Variants in TOM1L2 observed in about 807,000 individuals in gnomAD.
The protein encoded by TOM1L2 is TOM1-like protein 2.
Under a neutral mutation model 67.9 loss-of-function variants are expected in TOM1L2, and 31 were observed. The observed-to-expected ratio is 0.46, with a 90% CI of 0.34 to 0.62. The LOEUF (loss-of-function observed/expected upper bound fraction) is 0.62, where lower values mean the gene tolerates loss of function less well. Among genes scored for constraint, TOM1L2 ranks in the 20% least tolerant of loss-of-function variants. The probability of loss-of-function intolerance (pLI) is 0.01; values close to 1 mark genes in which losing one functional copy is unlikely to be tolerated. For missense variants in TOM1L2, 606 were observed against 663.5 expected (o/e 0.91, Z 0.95); for synonymous variants, 256 against 254.0 (o/e 1.01, Z -0.07).
At chr17:17,910,498 C>T (rs2039297148) in intron 1 of TOM1L2, among the ~76,000 whole-genome samples, 1 of 152,150 alleles carries the variant, frequency 6.6e-6, no homozygotes, top group Admixed American at 6.5e-5. Context: ...AGCACCAATA[C>T]CTGAGCCTCA....
chr17:17,969,684 C>T (rs561395737), intron 1 of TOM1L2, among the ~76,000 whole-genome samples: 3 of 152,234 alleles, frequency 2.0e-5, no homozygotes, highest in African/African-American at 4.8e-5. Context: ...AGGTCACAGA[C>T]GGGCCAGTTG....
Position 17,847,665 on chromosome 17 carries a change from C to T in TOM1L2, c.1494G>A (p.Glu498=). 1 of 1,613,756 alleles carries T rather than the reference C, an allele frequency of 6.2e-7. No individual in the cohort carries two copies. The highest frequency in any genetic ancestry group is 8.5e-7 in the Non-Finnish European group (1 of 1,179,832). The change falls in exon 15 of 15, where the codon GAG becomes GAA. Residue 498 remains glutamate, a synonymous_variant. Transcript: ENST00000379504. ...GGGCGAAGAGGGCATCCTCTGACCG[C>T]TCTGGCTTCTTCCGGCCAGAAGGGT... ...ASNPSGRKKP[E]RSEDALFAL
Position 17,972,283 on chromosome 17 carries a change from T to G in TOM1L2, c.31A>C (p.Thr11Pro). 6.4e-7 allele frequency: 1 copy of G among 1,552,010 alleles called. No homozygotes were observed. The highest frequency in any genetic ancestry group is 8.7e-7 in the Non-Finnish European group (1 of 1,148,458). Residue 11 changes from threonine (T) to proline (P), a missense_variant, in exon 1 of 15, where the codon ACA becomes CCA. Thr to Pro is a conservative substitution (Grantham distance 38). This residue lies in a region of TOM1L2 where 63 missense variants were observed against 109.5 expected (regional missense o/e 0.58). Coordinates refer to ENST00000379504, the MANE Select transcript of TOM1L2 (RefSeq NM_001082968.2). ...TTACCGAGGCACTGCCCCACTGGTG[T>G]GCTGAACGGGTTCCCCAGGAGGAAC... Reference protein sequence around the residue: MEFLLGNPFSTPVGQCLEKAT... With the variant: MEFLLGNPFSPPVGQCLEKAT...
chr17:17,965,335 C>G (rs533761273), intron 1 of TOM1L2, among the ~76,000 whole-genome samples: 2 of 152,280 alleles, frequency 1.3e-5, no homozygotes, highest in African/African-American at 4.8e-5. Flanking sequence ...AGTCTCACCC[C>G]CTATCACTCC....
At chr17:17,915,322 C>T (rs1016930703) in intron 1 of TOM1L2, among the ~76,000 whole-genome samples, 7 of 152,160 alleles carry the variant, frequency 4.6e-5, no homozygotes, top group African/African-American at 1.7e-4. Context: ...AGAGACAGAA[C>T]TAGGATCAAA....
intron 12 of TOM1L2, among the ~76,000 whole-genome samples, chr17:17,851,615 G>C (rs1348435375): frequency 1.3e-5 from 2 of 152,190 alleles, no homozygotes; most frequent in Non-Finnish European, 2.9e-5. Context: ...CAAAAACGAG[G>C]GCTCTGATGA....
At chr17:17,873,104 T>TCTG (rs1271513025) in intron 7 of TOM1L2, among the ~76,000 whole-genome samples, 6 of 152,238 alleles carry the variant, frequency 3.9e-5, no homozygotes, top group African/African-American at 1.4e-4. Context: ...AAGTTGGCCA[T>TCTG]CTGCCTGCAA....
In TOM1L2 at chr17:17,848,713, C is replaced by T. The variant is rs182575666; in HGVS notation, c.1375+110G>A. On this transcript the variant is annotated intron_variant, in intron 14 of 14. Transcript: ENST00000379504. ...GTGAAGCCCATGGCTCAGGGCCTGG[C>T]ACCAGTAGGTGCTCTGGCAGCGGGG... 1.4e-4 allele frequency: 180 copies of T among 1,244,464 alleles called. No homozygotes were observed. In the African/African-American group the frequency reaches 2.5e-3, roughly 17 times the overall value. The allele number at this position is 1,244,464 out of a possible 1,614,324, so 77.1% of individuals were successfully genotyped here.
intron 12 of TOM1L2, among the ~76,000 whole-genome samples, chr17:17,861,226 C>T (rs1157822795): frequency 6.6e-6 from 1 of 152,174 alleles, no homozygotes; most frequent in Non-Finnish European, 1.5e-5. Flanking sequence ...AGCCTGTCTC[C>T]CACCTGCCTG....
chr17:17,917,682 G>T (rs1392358974), intron 1 of TOM1L2, among the ~76,000 whole-genome samples: 1 of 108,540 alleles, frequency 9.2e-6, no homozygotes. Context: ...AGCTTCCCAG[G>T]CCAGCTCATG....
chr17:17,969,122 T>C (rs1267546424), intron 1 of TOM1L2, among the ~76,000 whole-genome samples: 1 of 149,812 alleles, frequency 6.7e-6, no homozygotes, highest in Non-Finnish European at 1.5e-5. Context: ...GGTGGCACAA[T>C]CTTGGCTCAC....
At chr17:17,872,722 C>T (rs541594435) in intron 7 of TOM1L2, among the ~76,000 whole-genome samples, 2 of 152,320 alleles carry the variant, frequency 1.3e-5, no homozygotes, top group South Asian at 2.1e-4. Flanking sequence ...CAGGTGTCTG[C>T]GGAAAATCTC....
chr17:17,861,236 G>A (rs1432486604), intron 12 of TOM1L2, among the ~76,000 whole-genome samples: 1 of 152,176 alleles, frequency 6.6e-6, no homozygotes, highest in Non-Finnish European at 1.5e-5. Flanking sequence ...CCACCTGCCT[G>A]GGACTGTTTT....
intron 1 of TOM1L2, among the ~76,000 whole-genome samples, chr17:17,951,295 A>G (rs1025015753): frequency 1.3e-5 from 2 of 152,196 alleles, no homozygotes; most frequent in Non-Finnish European, 2.9e-5. Flanking sequence ...GAGAACGTTC[A>G]TAAGATTTAG....
intron 8 of TOM1L2, among the ~76,000 whole-genome samples, chr17:17,868,657 TTCC>T (rs774963184): frequency 6.6e-5 from 10 of 152,196 alleles, no homozygotes; most frequent in Non-Finnish European, 1.3e-4. Flanking sequence ...CTTGCCATTA[TTCC>T]TCCTATTTAA....
intron 7 of TOM1L2, chr17:17,872,100 C>A: frequency 1.0e-6 from 1 of 959,962 alleles, no homozygotes; most frequent in Non-Finnish European, 1.2e-6. Flanking sequence ...AATGGACACT[C>A]ACAGGTCAAA....
rs997403988 is a variant in TOM1L2 at position 17,866,888 on chromosome 17, A to G, written c.948T>C (p.Asn316=). 9 of 1,613,952 alleles carry G rather than the reference A, an allele frequency of 5.6e-6. No homozygotes were observed. The highest frequency in any genetic ancestry group is 7.6e-6 in the Non-Finnish European group (9 of 1,179,976). Residue 316 remains asparagine (N), a synonymous_variant, in exon 9 of 15, where the codon AAT becomes AAC. Coordinates refer to ENST00000379504, the MANE Select transcript of TOM1L2 (RefSeq NM_001082968.2). ...ERYRSGRSVQ[N]ASNGVLNEVT... ...AAGGAATACTTACTCCATTACTGGC[A>G]TTTTGAACGGATCGGCCAGACCTGT... is the stretch of plus-strand genomic sequence containing the variant.
intron 1 of TOM1L2, among the ~76,000 whole-genome samples, chr17:17,945,203 C>T (rs2040889568): frequency 1.3e-5 from 2 of 151,728 alleles, no homozygotes; most frequent in Non-Finnish European, 2.9e-5. Flanking sequence ...AAACAGATTG[C>T]CAGTAGGACC....
chr17:17,954,080 C>T lies in TOM1L2; in HGVS notation c.52+18182G>A, dbSNP rs145272969. On this transcript the variant is annotated intron_variant, in intron 1 of 14. Coordinates refer to ENST00000379504, the MANE Select transcript of TOM1L2 (RefSeq NM_001082968.2). ...TATAAGTGCCACTGCAGTTCAGAGG[C>T]TTCTGGGCCAGCTTTGTGGCAGTGG... Among the ~76,000 whole-genome samples, 4 of 152,356 alleles carry T rather than the reference C, an allele frequency of 2.6e-5. No homozygotes were observed. The East Asian group carries it at 7.7e-4, about 29-fold the overall frequency.
Sources: gnomAD v4.1 joint callset for allele counts (sites outside exome capture counted in the v4.1 genomes callset) on GRCh38, gnomAD v4.1.1 for gene constraint, gnomAD v4.1.1 regional missense constraint, MANE v1.5 for transcripts, NCBI Gene and HGNC (gene_info 2026-07-23, HGNC 2026-07-21) for gene names.